ERC1: variants seen among roughly 807,000 people sequenced by gnomAD.
ERC1 encodes RAB6 interacting protein 2.
ERC1 carries 56 observed loss-of-function variants against 132.0 expected under a neutral mutation model. That is an observed-to-expected ratio of 0.42 (90% CI 0.34 to 0.53). The LOEUF (loss-of-function observed/expected upper bound fraction) is 0.53. ERC1 is among the 20% of genes least tolerant of loss of function. ERC1 has a pLI of 0.03. For missense variants in ERC1, 1,202 were observed against 1,349.9 expected (o/e 0.89, Z 1.72); for synonymous variants, 478 against 476.1 (o/e 1.00, Z -0.05).
chr12:1,480,613 G>GA (rs2062132209), intron 18 of ERC1, among the ~76,000 whole-genome samples: 1 of 152,160 alleles, frequency 6.6e-6, no homozygotes, highest in African/African-American at 2.4e-5. Context: ...ATGGTAACTA[G>GA]AATGTAATGA....
At chr12:1,240,451 G>T (rs1353413705) in intron 13 of ERC1, among the ~76,000 whole-genome samples, 1 of 152,196 alleles carries the variant, frequency 6.6e-6, no homozygotes, top group Non-Finnish European at 1.5e-5. Flanking sequence ...TCTTAAGACA[G>T]ATAAGACTTC....
intron 3 of ERC1, among the ~76,000 whole-genome samples, chr12:1,100,127 C>T (rs989358485): frequency 2.0e-5 from 3 of 152,020 alleles, no homozygotes; most frequent in Admixed American, 2.0e-4. Flanking sequence ...GGATTACAGG[C>T]ATGAACCACC....
intron 18 of ERC1, 112 bp from the exon 19 acceptor site, chr12:1,489,981 C>T: frequency 8.5e-7 from 1 of 1,176,478 alleles, no homozygotes; most frequent in Non-Finnish European, 1.2e-6. Context: ...AATTTTGATG[C>T]AGAGAGACTT....
intron 18 of ERC1, among the ~76,000 whole-genome samples, chr12:1,453,494 G>A (rs557161383): frequency 2.0e-5 from 3 of 152,072 alleles, no homozygotes; most frequent in Non-Finnish European, 4.4e-5. Flanking sequence ...TCTCACTTCC[G>A]GGCTTTCTTG....
At chr12:1,471,985 G>C (rs1284483523) in intron 18 of ERC1, among the ~76,000 whole-genome samples, 1 of 152,170 alleles carries the variant, frequency 6.6e-6, no homozygotes, top group African/African-American at 2.4e-5. Context: ...TGAGACCTCA[G>C]CTGTCTTACT....
intron 12 of ERC1, among the ~76,000 whole-genome samples, chr12:1,213,179 C>A (rs1348516097): frequency 6.6e-6 from 1 of 152,162 alleles, no homozygotes; most frequent in Non-Finnish European, 1.5e-5. Context: ...TTTCCTGACT[C>A]TTTCTGCCTA....
intron 17 of ERC1, among the ~76,000 whole-genome samples, chr12:1,440,333 T>C (rs1290369967): frequency 1.4e-4 from 21 of 147,402 alleles, no homozygotes; most frequent in African/African-American, 2.6e-5. Flanking sequence ...GCCTCCCGAG[T>C]AGCTGGGACT....
intron 15 of ERC1, among the ~76,000 whole-genome samples, chr12:1,352,250 TC>T (rs2085070607): frequency 6.6e-6 from 1 of 152,168 alleles, no homozygotes; most frequent in South Asian, 2.1e-4. Context: ...TTCTCAGTGT[TC>T]CTTGTGAGCC....
intron 1 of ERC1, among the ~76,000 whole-genome samples, chr12:1,000,335 A>T (rs1030487618): frequency 2.6e-5 from 4 of 152,010 alleles, no homozygotes; most frequent in Non-Finnish European, 5.9e-5. Flanking sequence ...AAAATAAAAA[A>T]ATTAGCTGGG....
intron 15 of ERC1, among the ~76,000 whole-genome samples, chr12:1,345,078 A>G (rs528640429): frequency 4.6e-5 from 7 of 152,332 alleles, no homozygotes; most frequent in African/African-American, 1.7e-4. Context: ...TCATATTCCT[A>G]TGCACATATA....
At chr12:1,070,629 G>T (rs1171722687) in intron 2 of ERC1, among the ~76,000 whole-genome samples, 1 of 152,096 alleles carries the variant, frequency 6.6e-6, no homozygotes, top group Non-Finnish European at 1.5e-5. Flanking sequence ...CTTGTTAAGA[G>T]ATTCTCTTGA....
chr12:1,260,258 G>A (rs991473896), intron 13 of ERC1, among the ~76,000 whole-genome samples: 5 of 152,212 alleles, frequency 3.3e-5, no homozygotes, highest in East Asian at 1.9e-4. Context: ...TACTCAAATT[G>A]TCTTCTACTT....
chr12:1,135,687 A>G (rs1309443928), intron 7 of ERC1, among the ~76,000 whole-genome samples: 1 of 152,198 alleles, frequency 6.6e-6, no homozygotes, highest in Admixed American at 6.5e-5. Flanking sequence ...GGAAACAGAG[A>G]TTGGAGTGAT....
chr12:1,264,505 A>G (rs764679490), intron 14 of ERC1, among the ~76,000 whole-genome samples: 70 of 152,092 alleles, frequency 4.6e-4, no homozygotes, highest in Non-Finnish European at 9.0e-4. Flanking sequence ...TCTACTAAAA[A>G]TACAAAAAAT....
In ERC1 at chr12:1,330,041, C is replaced by A. The variant is rs79152440; in HGVS notation, c.2780+40029C>A. On this transcript the variant is annotated intron_variant, in intron 15 of 18. Coordinates refer to ENST00000360905, the MANE Select transcript of ERC1 (RefSeq NM_178040.4). ...AGCAGTGGATTCAACCCTGAAGTTT[C>A]AAGCAGTATCCTTTGTTTTATGGCT... is the stretch of plus-strand genomic sequence containing the variant. 1.5e-4 allele frequency among the ~76,000 whole-genome samples: 23 copies of A among 152,316 alleles called. No individual in the cohort carries two copies. The East Asian group carries it at 4.4e-3, about 29-fold the overall frequency.
intron 7 of ERC1, among the ~76,000 whole-genome samples, chr12:1,139,624 CA>C (rs1949680358): frequency 6.6e-6 from 1 of 151,350 alleles, no homozygotes; most frequent in African/African-American, 2.4e-5. Flanking sequence ...TATATGGTGA[CA>C]AAAATATACA....
intron 2 of ERC1, among the ~76,000 whole-genome samples, chr12:1,066,561 G>A (rs1239694273): frequency 6.6e-6 from 1 of 152,220 alleles, no homozygotes; most frequent in Non-Finnish European, 1.5e-5. Context: ...TAGAGGCTGG[G>A]TGCGGTGGCT....
At chr12:1,460,888 G>T (rs951403160) in intron 18 of ERC1, among the ~76,000 whole-genome samples, 2 of 141,240 alleles carry the variant, frequency 1.4e-5, no homozygotes, top group Non-Finnish European at 3.0e-5. Context: ...AAGGAGGAAT[G>T]AAAAATGAAC....
At position 1,230,337 on chromosome 12, in the gene ERC1, A is replaced by G. The variant is rs147299251; in HGVS notation, c.2352-6432A>G. On this transcript the variant is annotated intron_variant, in intron 12 of 18. Coordinates refer to ENST00000360905, the MANE Select transcript of ERC1 (RefSeq NM_178040.4). The stretch of plus-strand genomic sequence containing the variant: ...CTCCTTTTGATTTCTTCTTTGACCC[A>G]TTGGTTTTGTCAGGAGTATATTGTT... Among the ~76,000 whole-genome samples the G allele has an allele frequency of 1.6e-3, 237 of 151,990 alleles. 3 individuals carry two copies. The highest frequency in any genetic ancestry group is 0.014 in the Admixed American group (213 of 15,256).
Sources: gnomAD v4.1 joint callset for allele counts (sites outside exome capture counted in the v4.1 genomes callset) on GRCh38, gnomAD v4.1.1 for gene constraint, MANE v1.5 for transcripts, NCBI Gene and HGNC (gene_info 2026-07-23, HGNC 2026-07-21) for gene names.